DMC1: variants seen among roughly 807,000 people sequenced by gnomAD.
The protein encoded by DMC1 is DNA meiotic recombinase 1.
Under a neutral mutation model 50.1 loss-of-function variants are expected in DMC1, and 27 were observed. That is an observed-to-expected ratio of 0.54 (90% confidence interval 0.40 to 0.74). The LOEUF is 0.74. Ranked by LOEUF, DMC1 falls within the 30% of genes least tolerant of loss-of-function variation. DMC1 has a pLI of 0.00. For missense variants in DMC1, 295 were observed against 420.2 expected (o/e 0.70, Z 2.60); for synonymous variants, 148 against 136.1 (o/e 1.09, Z -0.61).
intron 9 of DMC1, 118 bp from the exon 10 acceptor site, chr22:38,538,730 A>G: frequency 1.1e-6 from 1 of 925,892 alleles, no homozygotes; most frequent in Non-Finnish European, 1.8e-6. Flanking sequence ...TTAATTATTG[A>G]TGACTTTATT....
intron 12 of DMC1, among the ~76,000 whole-genome samples, chr22:38,528,872 G>GTGAAA (rs1410372626): frequency 2.0e-5 from 3 of 152,142 alleles, no homozygotes; most frequent in Admixed American, 6.5e-5. Context: ...GTGAAAAGTA[G>GTGAAA]ACCAGGAAAC....
chr22:38,553,565 T>A (rs2090437070), intron 6 of DMC1, among the ~76,000 whole-genome samples: 1 of 150,810 alleles, frequency 6.6e-6, no homozygotes, highest in South Asian at 2.1e-4. Flanking sequence ...GACTCACACC[T>A]GTAATCCCAG....
At chr22:38,536,975 C>T (rs574219967) in intron 12 of DMC1, among the ~76,000 whole-genome samples, 5 of 151,804 alleles carry the variant, frequency 3.3e-5, no homozygotes, top group Admixed American at 2.0e-4. Flanking sequence ...CTCAGCCTCC[C>T]GAATAGCTGG....
intron 8 of DMC1, among the ~76,000 whole-genome samples, chr22:38,548,611 C>A (rs577147720): frequency 6.6e-6 from 1 of 152,084 alleles, no homozygotes; most frequent in African/African-American, 2.4e-5. Flanking sequence ...TGATGGCTCA[C>A]GCCTATAATT....
At chr22:38,534,142 C>T (rs763939275) in intron 12 of DMC1, among the ~76,000 whole-genome samples, 39 of 152,188 alleles carry the variant, frequency 2.6e-4, no homozygotes, top group Non-Finnish European at 4.7e-4. Context: ...TTCAATTGAT[C>T]CTGAATTGAA....
intron 8 of DMC1, among the ~76,000 whole-genome samples, chr22:38,541,291 AT>A (rs1462477877): frequency 6.6e-6 from 1 of 152,088 alleles, no homozygotes; most frequent in African/African-American, 2.4e-5. Context: ...ATTTTTAAAA[AT>A]TTTTATTTTA....
intron 1 of DMC1, chr22:38,569,498 T>C (rs1450191880): frequency 6.6e-6 from 1 of 152,016 alleles, no homozygotes; most frequent in East Asian, 1.9e-4. Flanking sequence ...TCGGATGGGA[T>C]CTTCGGGGAC....
At chr22:38,540,762 G>GT (rs2090272515) in intron 8 of DMC1, among the ~76,000 whole-genome samples, 1 of 152,136 alleles carries the variant, frequency 6.6e-6, no homozygotes. Flanking sequence ...GATGTTTTTG[G>GT]TGGACAAGTT....
intron 1 of DMC1, among the ~76,000 whole-genome samples, chr22:38,568,933 C>T (rs1010477176): frequency 6.6e-6 from 1 of 152,028 alleles, no homozygotes; most frequent in African/African-American, 2.4e-5. Flanking sequence ...AGGCTCATGC[C>T]TGTAATCCCA....
At chr22:38,563,761 G>T (rs190394833) in intron 4 of DMC1, among the ~76,000 whole-genome samples, 1 of 151,140 alleles carries the variant, frequency 6.6e-6, no homozygotes, top group African/African-American at 2.4e-5. Flanking sequence ...GTGCAGTGGC[G>T]CGATCTCAGC....
rs534243556 is a variant in DMC1 at position 38,557,526 on chromosome 22, C to G, written c.327-2117G>C. ...TTCAAGACCAGCCTGGATAACATGG[C>G]GAAACCCAGTCTCTACAGAAAATAC... On this transcript the variant is annotated intron_variant, in intron 5 of 13. Coordinates refer to ENST00000216024, the MANE Select transcript of DMC1 (RefSeq NM_007068.4). Among the ~76,000 whole-genome samples, 12 of 152,094 alleles carry G rather than the reference C, an allele frequency of 7.9e-5. No individual in the cohort carries two copies. In the South Asian group the frequency reaches 2.5e-3, roughly 32 times the overall value.
chr22:38,545,492 G>A (rs899975363), intron 8 of DMC1, among the ~76,000 whole-genome samples: 3 of 151,942 alleles, frequency 2.0e-5, no homozygotes, highest in Non-Finnish European at 4.4e-5. Context: ...GCGCTATCTC[G>A]GCTCACTGCA....
chr22:38,515,519 C>T (rs1021238619), downstream of DMC1, among the ~76,000 whole-genome samples: 1 of 149,760 alleles, frequency 6.7e-6, no homozygotes, highest in Admixed American at 6.7e-5. Context: ...AAGAAAGTAG[C>T]AGGGCACGGT....
chr22:38,538,520 A>G lies in DMC1; in HGVS notation c.660+19T>C, dbSNP rs779570436. On this transcript the variant is annotated intron_variant, in intron 10 of 13. Transcript: ENST00000216024. The stretch of plus-strand genomic sequence containing the variant: ...TTATGCTAAATAGCTCTGTGAAAGC[A>G]ATATTTAAAAGCTTGTACCAATAGC... 2.5e-6 allele frequency: 4 copies of G among 1,612,688 alleles called. No individual in the cohort carries two copies. The highest frequency in any genetic ancestry group is 3.4e-6 in the Non-Finnish European group (4 of 1,178,738).
At chr22:38,560,147 GT>G (rs2090511550) in intron 5 of DMC1, among the ~76,000 whole-genome samples, 1 of 152,188 alleles carries the variant, frequency 6.6e-6, no homozygotes, top group African/African-American at 2.4e-5. Context: ...GAGTATGAAA[GT>G]TAGGAGGTTA....
chr22:38,541,712 C>T (rs1402867706), intron 8 of DMC1, among the ~76,000 whole-genome samples: 3 of 152,136 alleles, frequency 2.0e-5, no homozygotes, highest in Non-Finnish European at 4.4e-5. Context: ...CCTCCTTTCC[C>T]AGTTCATTTG....
chr22:38,565,352 A>G (rs980996623), intron 4 of DMC1, among the ~76,000 whole-genome samples: 4 of 152,208 alleles, frequency 2.6e-5, no homozygotes, highest in African/African-American at 9.7e-5. Context: ...AACTTTCCAT[A>G]AGACATGGCC....
intron 12 of DMC1, among the ~76,000 whole-genome samples, chr22:38,535,285 C>G (rs1341211662): frequency 6.7e-6 from 1 of 148,704 alleles, no homozygotes; most frequent in East Asian, 2.0e-4. Flanking sequence ...GGTGACAGAG[C>G]GAGACTCCGT....
At chr22:38,526,669 A>T (rs1429174185) in intron 12 of DMC1, among the ~76,000 whole-genome samples, 2 of 150,876 alleles carry the variant, frequency 1.3e-5, no homozygotes, top group African/African-American at 2.5e-5. Context: ...ATGGGTATTA[A>T]TAATAATAAT....
Sources: allele counts gnomAD v4.1 joint callset (sites outside exome capture counted in the v4.1 genomes callset), GRCh38; gene constraint gnomAD v4.1.1; transcripts MANE v1.5; gene names NCBI Gene and HGNC (gene_info 2026-07-23, HGNC 2026-07-21).